Variants in KLF12 observed in about 807,000 individuals in gnomAD.
KLF12 encodes KLF transcription factor 12.
KLF12 carries 9 observed loss-of-function variants against 37.8 expected under a neutral mutation model. The ratio of observed to expected loss-of-function variants is 0.24; its 90% CI spans 0.14 to 0.42. The LOEUF is 0.42. Among genes scored for constraint, KLF12 ranks in the 10% least tolerant of loss-of-function variants. The pLI, the probability that KLF12 is intolerant of heterozygous loss-of-function variation, is 1.00. For missense variants in KLF12, 411 were observed against 516.0 expected (o/e 0.80, Z 1.97); for synonymous variants, 208 against 202.1 (o/e 1.03, Z -0.25).
intron 3 of KLF12, among the ~76,000 whole-genome samples, chr13:73,876,839 A>T (rs970101000): frequency 6.6e-6 from 1 of 151,706 alleles, no homozygotes; most frequent in African/African-American, 2.4e-5. Context: ...ACATGGGGAA[A>T]CCCTGTCTCC....
chr13:74,149,862 C>T, the KLF12 span, among the ~76,000 whole-genome samples: 2 of 152,188 alleles, frequency 1.3e-5, no homozygotes, highest in East Asian at 1.9e-4. Flanking sequence ...CAGATCATCC[C>T]GTCCAGCTGT....
At chr13:74,122,630 A>G (rs925077912) in intron 1 of KLF12, among the ~76,000 whole-genome samples, 2 of 152,120 alleles carry the variant, frequency 1.3e-5, no homozygotes, top group Admixed American at 1.3e-4. Context: ...CTGGAAACAC[A>G]GTATTTCCCT....
intron 5 of KLF12, among the ~76,000 whole-genome samples, chr13:73,768,517 T>C (rs936992094): frequency 2.0e-5 from 3 of 151,130 alleles, no homozygotes; most frequent in Admixed American, 1.3e-4. Flanking sequence ...AACCAAAAAC[T>C]ATGGCTTATA....
chr13:73,904,684 T>C (rs1008322551), intron 3 of KLF12, among the ~76,000 whole-genome samples: 9 of 152,156 alleles, frequency 5.9e-5, no homozygotes, highest in African/African-American at 2.2e-4. Context: ...GTGATTTCAA[T>C]GTCTGAGTTT....
chr13:74,253,415 G>T, the KLF12 span, among the ~76,000 whole-genome samples: 1 of 152,080 alleles, frequency 6.6e-6, no homozygotes, highest in Non-Finnish European at 1.5e-5. Context: ...CAATGTAAAG[G>T]ACTATTTTGA....
At chr13:74,020,051 A>G (rs1892802208) in intron 1 of KLF12, among the ~76,000 whole-genome samples, 1 of 152,268 alleles carries the variant, frequency 6.6e-6, no homozygotes, top group African/African-American at 2.4e-5. Context: ...AGTCTGCCTT[A>G]AAACAAATCA....
chr13:73,961,809 C>G (rs963776368), intron 2 of KLF12, among the ~76,000 whole-genome samples: 1 of 152,158 alleles, frequency 6.6e-6, no homozygotes, highest in African/African-American at 2.4e-5. Flanking sequence ...CATTACACAA[C>G]TATTAGAATG....
chr13:74,154,904 C>T, the KLF12 span, among the ~76,000 whole-genome samples: 3 of 152,204 alleles, frequency 2.0e-5, no homozygotes, highest in African/African-American at 7.2e-5. Flanking sequence ...TCAAACTCTT[C>T]AAATATATTG....
intron 6 of KLF12, among the ~76,000 whole-genome samples, chr13:73,752,819 C>A (rs1196754134): frequency 1.3e-5 from 2 of 151,420 alleles, no homozygotes; most frequent in African/African-American, 4.9e-5. Flanking sequence ...CGGGTTCAAG[C>A]AATTCTCCTG....
intron 3 of KLF12, among the ~76,000 whole-genome samples, chr13:73,900,010 C>G (rs565439559): frequency 2.0e-5 from 3 of 152,172 alleles, no homozygotes; most frequent in Admixed American, 6.5e-5. Context: ...AAGAGTGAAA[C>G]TAAACTGAAA....
chr13:73,776,556 T>G (rs778832856), intron 5 of KLF12, among the ~76,000 whole-genome samples: 1 of 152,188 alleles, frequency 6.6e-6, no homozygotes, highest in Non-Finnish European at 1.5e-5. Context: ...ACTTTCAAAA[T>G]GCACCGGGAC....
intron 5 of KLF12, among the ~76,000 whole-genome samples, chr13:73,767,215 C>CT (rs1879972594): frequency 2.0e-5 from 3 of 152,178 alleles, no homozygotes; most frequent in Admixed American, 2.0e-4. Context: ...ACCTGTGACA[C>CT]TTTTTGCCAT....
intron 1 of KLF12, among the ~76,000 whole-genome samples, chr13:74,129,234 T>C (rs1566226738): frequency 6.6e-6 from 1 of 152,256 alleles, no homozygotes; most frequent in Non-Finnish European, 1.5e-5. Context: ...GTAAATGCTA[T>C]ATAAAGTTAT....
chr13:74,013,268 A>G (rs1457792792), intron 1 of KLF12, among the ~76,000 whole-genome samples: 4 of 152,336 alleles, frequency 2.6e-5, no homozygotes, highest in South Asian at 2.1e-4. Flanking sequence ...CAGCATACCT[A>G]TAACAACCCA....
chr13:73,918,692 TA>T (rs1424949855), intron 3 of KLF12, among the ~76,000 whole-genome samples: 2 of 152,168 alleles, frequency 1.3e-5, no homozygotes, highest in Non-Finnish European at 2.9e-5. Context: ...AGGATGCCAG[TA>T]ACAGAATTAT....
At chr13:74,186,417 G>A in the KLF12 span, among the ~76,000 whole-genome samples, 155 of 152,190 alleles carry the variant, frequency 1.0e-3, 1 homozygote, top group Non-Finnish European at 1.8e-3. Context: ...GCATGAGAAC[G>A]GCCTGAGTGA....
intron 3 of KLF12, among the ~76,000 whole-genome samples, chr13:73,909,099 C>A (rs1008819188): frequency 6.6e-6 from 1 of 152,146 alleles, no homozygotes; most frequent in African/African-American, 2.4e-5. Context: ...ACTTGCTGAT[C>A]AACAGATGCA....
chr13:73,947,177 A>G (rs1890463570), intron 2 of KLF12, among the ~76,000 whole-genome samples: 1 of 152,228 alleles, frequency 6.6e-6, no homozygotes, highest in Admixed American at 6.5e-5. Flanking sequence ...GTATATTTAT[A>G]ACAAACATTT....
upstream of KLF12, among the ~76,000 whole-genome samples, chr13:74,136,520 AATT>A (rs1383226897): frequency 1.3e-5 from 2 of 152,166 alleles, no homozygotes; most frequent in Non-Finnish European, 2.9e-5. Context: ...TGCTGTAAGA[AATT>A]ATGTCATCGT....
Sources: gnomAD v4.1 joint callset for allele counts (sites outside exome capture counted in the v4.1 genomes callset) on GRCh38, gnomAD v4.1.1 for gene constraint, MANE v1.5 for transcripts, NCBI Gene and HGNC (gene_info 2026-07-23, HGNC 2026-07-21) for gene names.